Variants in DYRK4 observed in about 807,000 individuals in gnomAD.
DYRK4 encodes the protein dual specificity tyrosine-phosphorylation-regulated kinase 4.
Under a neutral mutation model 68.3 loss-of-function variants are expected in DYRK4, and 64 were observed. The observed-to-expected ratio is 0.94, with a 90% CI of 0.77 to 1.15. The LOEUF is 1.15. Ranked by LOEUF, DYRK4 falls within the 50% of genes most tolerant of loss-of-function variation. DYRK4 has a pLI of 0.00. For synonymous variants in DYRK4, 274 were observed against 289.9 expected (o/e 0.95, Z 0.56); for missense variants, 740 against 764.7 (o/e 0.97, Z 0.38).
intron 13 of DYRK4, 105 bp from the exon 14 acceptor site, chr12:4,612,438 A>G: frequency 8.4e-7 from 1 of 1,192,532 alleles, no homozygotes; most frequent in Non-Finnish European, 1.2e-6. Context: ...TATCTTTGAG[A>G]TATCAACATA....
At chr12:4,584,717 G>A (rs1248320941) in intron 2 of DYRK4, among the ~76,000 whole-genome samples, 1 of 151,738 alleles carries the variant, frequency 6.6e-6, no homozygotes, top group African/African-American at 2.4e-5. Flanking sequence ...CACCACGCCC[G>A]GCTAATTTTT....
intron 4 of DYRK4, chr12:4,590,893 C>T: frequency 2.1e-6 from 1 of 470,480 alleles, no homozygotes; most frequent in South Asian, 5.9e-5. Flanking sequence ...AAAACTGTTC[C>T]CATCTCTTCC....
At chr12:4,596,048 A>G in intron 6 of DYRK4, 101 bp from the exon 7 acceptor site, 2 of 1,309,728 alleles carry the variant, frequency 1.5e-6, no homozygotes, top group Non-Finnish European at 2.1e-6. Flanking sequence ...AAATTCCTCC[A>G]GGAGTGAGCC....
intron 11 of DYRK4, among the ~76,000 whole-genome samples, 199 bp from the exon 12 acceptor site, chr12:4,607,128 T>G (rs2137401710): frequency 6.6e-6 from 1 of 152,326 alleles, no homozygotes; most frequent in South Asian, 2.1e-4. Flanking sequence ...GTGTTGATTC[T>G]TAGGATATGA....
chr12:4,604,543 T>C (rs1860343), intron 10 of DYRK4, among the ~76,000 whole-genome samples: 82,174 of 152,106 alleles, frequency 0.54, 22,853 homozygotes, highest in East Asian at 0.81. Context: ...TTGATAACTC[T>C]CTTGCCAAGT....
rs1256587768 is a variant in DYRK4, at chr12:4,591,974, T to C, written c.463+676T>C. Among the ~76,000 whole-genome samples the C allele has an allele frequency of 6.6e-6, 1 of 152,208 alleles. No individual in the cohort carries two copies. Among genetic ancestry groups the C allele is most frequent in the Non-Finnish European group, 1.5e-5 (1 of 68,046 alleles). The stretch of plus-strand genomic sequence containing the variant: ...TTTTGGCCAGTAGCTAGACTTTTAA[T>C]GGGATTCAGAGACTCATAACCTATT... On this transcript the variant is annotated intron_variant, in intron 5 of 14. Coordinates refer to ENST00000543431, the MANE Select transcript of DYRK4 (RefSeq NM_001394779.1). This position sits in a 1 kb window ranked among gnomAD's most constrained non-coding sequence, Gnocchi z 4.1.
intron 2 of DYRK4, chr12:4,580,915 G>A (rs960632619): frequency 8.8e-6 from 4 of 455,268 alleles, no homozygotes; most frequent in African/African-American, 6.0e-5. Context: ...GTGCCTTTCC[G>A]AAAAGGCTGG....
chr12:4,586,299 C>A (rs761151592), intron 2 of DYRK4, among the ~76,000 whole-genome samples: 4 of 152,136 alleles, frequency 2.6e-5, no homozygotes, highest in African/African-American at 4.8e-5. Flanking sequence ...AGGAAGCACC[C>A]CCCTGCTCTG....
At chr12:4,571,694 T>C (rs76821469) in intron 2 of DYRK4, among the ~76,000 whole-genome samples, 1,664 of 152,340 alleles carry the variant, frequency 0.011, 22 homozygotes, top group African/African-American at 0.038. Flanking sequence ...TATGTTTATA[T>C]GTTAAAATAG....
intron 1 of DYRK4, among the ~76,000 whole-genome samples, 198 bp downstream of exon 1, chr12:4,562,481 T>C (rs995733684): frequency 6.6e-6 from 1 of 152,234 alleles, no homozygotes; most frequent in African/African-American, 2.4e-5. Flanking sequence ...TTGCAGCAGC[T>C]GCATCCCCGG....
chr12:4,570,766 T>C (rs7974906), intron 2 of DYRK4, among the ~76,000 whole-genome samples: 5,815 of 152,296 alleles, frequency 0.038, 363 homozygotes, highest in African/African-American at 0.13. Flanking sequence ...TAATTTGGAT[T>C]TTGGTAACAT....
In DYRK4 at chr12:4,599,708, A is replaced by G. The variant is rs143480249; in HGVS notation, c.1046A>G (p.Glu349Gly). ...ACATATGTCTTTTCTTCTCTCTAGG[A>G]AAATATAGTGCTATACCAAAAGGGC... ...EKIIHCDLKP[E>G]NIVLYQKGQA... is the part of the protein sequence containing the mutation. The change falls in exon 10 of 15, where the codon GAA becomes GGA. Residue 349 changes from glutamate to glycine, a missense_variant and splice_region_variant. By Grantham distance (98) the Glu-to-Gly change is moderately conservative. This residue lies in a region of DYRK4 where 614 missense variants were observed against 603.7 expected (regional missense o/e 1.02). Coordinates refer to ENST00000543431, the MANE Select transcript of DYRK4 (RefSeq NM_001394779.1). The G allele has an allele frequency of 7.2e-4, 1,158 of 1,612,852 alleles. 9 individuals carry two copies. The African/African-American group carries it at 0.012, about 17-fold the overall frequency.
chr12:4,587,456 A>G (rs781023798), intron 2 of DYRK4, among the ~76,000 whole-genome samples: 68 of 152,142 alleles, frequency 4.5e-4, no homozygotes, highest in Admixed American at 2.6e-4. Context: ...TATTCTGTTA[A>G]TGTACCTTTC....
Position 4,596,749 on chromosome 12 carries a change from T to G in DYRK4, c.905+20T>G, listed in dbSNP as rs1945022988. 6.2e-7 allele frequency: 1 copy of G among 1,612,046 alleles called. No homozygotes were observed. Among genetic ancestry groups the G allele is most frequent in the Non-Finnish European group, 8.5e-7 (1 of 1,179,688 alleles). On this transcript the variant is annotated intron_variant, in intron 8 of 14. Coordinates refer to ENST00000543431, the MANE Select transcript of DYRK4 (RefSeq NM_001394779.1). Reference sequence around the variant, plus strand: ...CCTGGGGTCAGCTGCCTTTTCTTCTTAACTCATTTTCTCTGGAAAAGTTAC... The same window carrying G: ...CCTGGGGTCAGCTGCCTTTTCTTCTGAACTCATTTTCTCTGGAAAAGTTAC...
At chr12:4,574,179 C>T (rs1258244824) in intron 2 of DYRK4, among the ~76,000 whole-genome samples, 1 of 148,196 alleles carries the variant, frequency 6.7e-6, no homozygotes, top group Non-Finnish European at 1.5e-5. Flanking sequence ...GCGCCGAGAT[C>T]GCGCCACTGC....
intron 6 of DYRK4, among the ~76,000 whole-genome samples, chr12:4,594,150 G>A (rs1224652893): frequency 6.6e-6 from 1 of 152,138 alleles, no homozygotes; most frequent in Admixed American, 6.5e-5. Context: ...AAAGCTATAG[G>A]TCCTCATCTC....
In DYRK4 at chr12:4,613,810, C is replaced by T. The variant is rs574205869; in HGVS notation, c.*57C>T. 5 of 1,437,284 alleles carry T rather than the reference C, an allele frequency of 3.5e-6. No individual in the cohort carries two copies. In the Admixed American group the frequency reaches 1.2e-4, roughly 34 times the overall value. 89.0% of individuals were successfully genotyped at this position (1,437,284 alleles called of 1,614,324 possible). On this transcript the variant is annotated 3_prime_UTR_variant, in exon 15 of 15. Transcript: ENST00000543431. This position sits in a 1 kb window ranked among gnomAD's most constrained non-coding sequence, Gnocchi z 4.0. ...ACCAGTGATTTGTATTAAGACAGCA[C>T]TTATATTGTACAATACTTCAGACTG...
intron 2 of DYRK4, among the ~76,000 whole-genome samples, chr12:4,582,061 G>C (rs142210352): frequency 5.3e-5 from 8 of 152,254 alleles, no homozygotes; most frequent in Non-Finnish European, 8.8e-5. Flanking sequence ...TGTCATTGTC[G>C]GCACTCAAAA....
At chr12:4,603,401 G>T in intron 10 of DYRK4, 1 of 439,410 alleles carries the variant, frequency 2.3e-6, no homozygotes, top group Non-Finnish European at 4.3e-6. Context: ...TTTTGAATCA[G>T]TCTCTTTATT....
Sources: allele counts gnomAD v4.1 joint callset (sites outside exome capture counted in the v4.1 genomes callset), GRCh38; gene constraint gnomAD v4.1.1; regional missense constraint gnomAD v4.1.1; non-coding constraint Gnocchi (gnomAD v3.1); transcripts MANE v1.5; gene names NCBI Gene and HGNC (gene_info 2026-07-23, HGNC 2026-07-21).